LINGO2: variants seen among roughly 807,000 people sequenced by gnomAD.
LINGO2 encodes leucine-rich repeat and immunoglobulin-like domain-containing nogo receptor-interacting protein 2.
Under a neutral mutation model 30.6 loss-of-function variants are expected in LINGO2, and 14 were observed. The observed-to-expected ratio is 0.46, with a 90% CI of 0.30 to 0.72. The LOEUF (loss-of-function observed/expected upper bound fraction) is 0.72, where lower values mean the gene tolerates loss of function less well. LINGO2 is among the 30% of genes least tolerant of loss of function. The pLI is 0.07. For synonymous variants in LINGO2, 317 were observed against 288.5 expected (o/e 1.10, Z -1.00); for missense variants, 729 against 751.7 (o/e 0.97, Z 0.35).
the LINGO2 span, among the ~76,000 whole-genome samples, chr9:28,989,844 T>C: frequency 0.023 from 3,450 of 152,262 alleles, 140 homozygotes; most frequent in African/African-American, 0.079. Flanking sequence ...ATTCTCTACT[T>C]TCTGGCTGGT....
At chr9:28,201,628 G>C (rs1398719462) in intron 4 of LINGO2, among the ~76,000 whole-genome samples, 1 of 151,292 alleles carries the variant, frequency 6.6e-6, no homozygotes, top group Non-Finnish European at 1.5e-5. Flanking sequence ...GGTATTTCTA[G>C]TTCTAGATCC....
intron 4 of LINGO2, among the ~76,000 whole-genome samples, chr9:28,015,121 G>C (rs2798786): frequency 6.6e-6 from 1 of 152,030 alleles, no homozygotes; most frequent in Non-Finnish European, 1.5e-5. Context: ...CAACCAAATC[G>C]TCCACGCTAC....
intron 3 of LINGO2, among the ~76,000 whole-genome samples, chr9:28,340,535 C>A (rs1587494986): frequency 1.3e-5 from 2 of 152,022 alleles, no homozygotes; most frequent in Admixed American, 6.6e-5. Flanking sequence ...TTTTTGAATT[C>A]TTTTGAGAGG....
chr9:28,431,515 T>G (rs1286082547), intron 2 of LINGO2, among the ~76,000 whole-genome samples: 1 of 152,194 alleles, frequency 6.6e-6, no homozygotes, highest in Admixed American at 6.5e-5. Flanking sequence ...AATATTTTAG[T>G]CAAGATTGAA....
the LINGO2 span, among the ~76,000 whole-genome samples, chr9:29,163,400 G>A: frequency 6.6e-6 from 1 of 152,012 alleles, no homozygotes; most frequent in South Asian, 2.1e-4. Flanking sequence ...AATAATTTTA[G>A]TCTTCTATGT....
chr9:28,395,831 T>G (rs1587608328), intron 2 of LINGO2, among the ~76,000 whole-genome samples: 1 of 152,216 alleles, frequency 6.6e-6, no homozygotes, highest in East Asian at 1.9e-4. Flanking sequence ...TCCTCTGTCA[T>G]GGATACTTTT....
At chr9:28,551,783 C>T (rs566954400) in intron 1 of LINGO2, among the ~76,000 whole-genome samples, 1 of 152,110 alleles carries the variant, frequency 6.6e-6, no homozygotes, top group Non-Finnish European at 1.5e-5. Context: ...AGATACAAAT[C>T]AAGCCTTTTT....
chr9:28,517,910 AG>A (rs1471188885), intron 1 of LINGO2, among the ~76,000 whole-genome samples: 1 of 152,178 alleles, frequency 6.6e-6, no homozygotes, highest in Non-Finnish European at 1.5e-5. Context: ...ACTCTGCTTC[AG>A]GGGCGGAATT....
the LINGO2 span, among the ~76,000 whole-genome samples, chr9:29,144,732 C>T: frequency 2.0e-5 from 3 of 152,056 alleles, no homozygotes; most frequent in African/African-American, 7.2e-5. Context: ...ATCTCAAGTG[C>T]CCCTTTATGT....
At chr9:28,000,417 G>T (rs896167205) in intron 5 of LINGO2, among the ~76,000 whole-genome samples, 8 of 152,016 alleles carry the variant, frequency 5.3e-5, no homozygotes, top group Non-Finnish European at 1.2e-4. Flanking sequence ...GGAAGGTTGG[G>T]GATTATTTTC....
At chr9:28,930,983 CAT>C in the LINGO2 span, among the ~76,000 whole-genome samples, 1 of 152,206 alleles carries the variant, frequency 6.6e-6, no homozygotes, top group Non-Finnish European at 1.5e-5. The surrounding 1 kb of genome is among the most constrained non-coding windows in gnomAD (Gnocchi z 4.2). Context: ...ATATTTTCCA[CAT>C]GAGCCATTCC....
the LINGO2 span, among the ~76,000 whole-genome samples, chr9:28,883,960 G>C: frequency 6.6e-6 from 1 of 151,644 alleles, no homozygotes; most frequent in East Asian, 1.9e-4. Context: ...TTACAGGCGT[G>C]AGCCACCGCG....
chr9:28,803,047 G>A, the LINGO2 span, among the ~76,000 whole-genome samples: 3 of 151,998 alleles, frequency 2.0e-5, no homozygotes, highest in South Asian at 2.1e-4. Flanking sequence ...CCAGTAATAA[G>A]TATCACCAGT....
chr9:29,135,300 C>G, the LINGO2 span, among the ~76,000 whole-genome samples: 1 of 152,088 alleles, frequency 6.6e-6, no homozygotes, highest in South Asian at 2.1e-4. Flanking sequence ...TGGCTCACTC[C>G]TGTAATCCCA....
chr9:28,179,866 T>C (rs1397353621), intron 4 of LINGO2, among the ~76,000 whole-genome samples: 1 of 151,794 alleles, frequency 6.6e-6, no homozygotes, highest in African/African-American at 2.4e-5. Context: ...GTTAAGCAGG[T>C]TTGTGCAGCT....
the LINGO2 span, among the ~76,000 whole-genome samples, chr9:29,120,747 A>T: frequency 6.6e-6 from 1 of 152,180 alleles, no homozygotes; most frequent in Non-Finnish European, 1.5e-5. Context: ...AAGTCACACA[A>T]ATGGACTTGA....
chr9:28,463,379 A>G (rs1825162363), intron 2 of LINGO2, among the ~76,000 whole-genome samples: 1 of 152,096 alleles, frequency 6.6e-6, no homozygotes, highest in Non-Finnish European at 1.5e-5. Context: ...AGGCCAAAAA[A>G]TATATAAATA....
At chr9:28,965,081 C>A in the LINGO2 span, among the ~76,000 whole-genome samples, 1 of 151,760 alleles carries the variant, frequency 6.6e-6, no homozygotes, top group African/African-American at 2.4e-5. Flanking sequence ...GCTAAGTTGG[C>A]ATTTTATGCA....
At chr9:28,892,681 A>G in the LINGO2 span, among the ~76,000 whole-genome samples, 1 of 151,986 alleles carries the variant, frequency 6.6e-6, no homozygotes, top group Non-Finnish European at 1.5e-5. Flanking sequence ...TTGGCATAAG[A>G]AACAGCAATG....
Sources: gnomAD v4.1 joint callset for allele counts (sites outside exome capture counted in the v4.1 genomes callset) on GRCh38, gnomAD v4.1.1 for gene constraint, Gnocchi (gnomAD v3.1) non-coding constraint, MANE v1.5 for transcripts, NCBI Gene and HGNC (gene_info 2026-07-23, HGNC 2026-07-21) for gene names.